Variants in PSPC1 observed in about 807,000 individuals in gnomAD.
PSPC1 encodes the protein paraspeckle component 1.
Under a neutral mutation model 51.6 loss-of-function variants are expected in PSPC1, and 14 were observed. The observed-to-expected ratio is 0.27, with a 90% CI of 0.18 to 0.42. PSPC1 has a LOEUF of 0.42. Among genes scored for constraint, PSPC1 ranks in the 10% least tolerant of loss-of-function variants. The probability of loss-of-function intolerance (pLI) is 1.00; values close to 1 mark genes in which losing one functional copy is unlikely to be tolerated. For missense variants in PSPC1, 406 were observed against 701.1 expected (o/e 0.58, Z 4.75); for synonymous variants, 193 against 231.9 (o/e 0.83, Z 1.53).
chr13:19,724,518 C>T (rs1198487279), intron 6 of PSPC1, among the ~76,000 whole-genome samples: 1 of 152,146 alleles, frequency 6.6e-6, no homozygotes, highest in Admixed American at 6.5e-5. Flanking sequence ...AAGAGGGGTT[C>T]ACATTTGAAA....
chr13:19,731,000 C>G (rs1212744044), intron 5 of PSPC1, among the ~76,000 whole-genome samples: 3 of 144,734 alleles, frequency 2.1e-5, no homozygotes, highest in Non-Finnish European at 3.0e-5. Flanking sequence ...CTGAGATCTA[C>G]TGATCTATCA....
chr13:19,716,009 G>A (rs1309170723), intron 6 of PSPC1, among the ~76,000 whole-genome samples: 1 of 151,202 alleles, frequency 6.6e-6, no homozygotes, highest in East Asian at 1.9e-4. Flanking sequence ...GCAAGACTCC[G>A]TCTCAAAAAA....
chr13:19,673,238 T>C, downstream of PSPC1: 1 of 417,924 alleles, frequency 2.4e-6, no homozygotes, highest in Non-Finnish European at 4.6e-6. Context: ...TGCTTCTGTA[T>C]GGCAAGCATA....
At chr13:19,779,797 G>A (rs1349271488) in intron 1 of PSPC1, among the ~76,000 whole-genome samples, 2 of 75,134 alleles carry the variant, frequency 2.7e-5, no homozygotes, top group African/African-American at 1.1e-4. Context: ...CCTCTGCCCG[G>A]CCGCCCCTAC....
rs749658549 is a variant in PSPC1, at chr13:19,751,248, T to G, written c.967+23A>C. 3 of 1,500,926 alleles carry G rather than the reference T, an allele frequency of 2.0e-6. No individual in the cohort carries two copies. The African/African-American group carries it at 4.2e-5, about 21-fold the overall frequency. 93.0% of individuals were successfully genotyped at this position (1,500,926 alleles called of 1,614,324 possible). A position where few individuals can be genotyped will look rare whatever the true frequency, so the allele number is the denominator to read the frequency against. ...AAGGGAAAAAAAAAATCATACCACA[T>G]GTACATGAAAATCCATATTTACCTT... is the stretch of plus-strand genomic sequence containing the variant. On this transcript the variant is annotated intron_variant, in intron 4 of 8. Coordinates refer to ENST00000338910, the MANE Select transcript of PSPC1 (RefSeq NM_001354909.2).
intron 3 of PSPC1, among the ~76,000 whole-genome samples, chr13:19,755,894 G>A (rs1887017722): frequency 6.6e-6 from 1 of 152,208 alleles, no homozygotes; most frequent in East Asian, 1.9e-4. Flanking sequence ...TACACTGCTA[G>A]CACCTAGAAC....
At chr13:19,726,052 G>C (rs1442374308) in intron 6 of PSPC1, among the ~76,000 whole-genome samples, 2 of 152,158 alleles carry the variant, frequency 1.3e-5, no homozygotes, top group African/African-American at 4.8e-5. Context: ...CTACTTGGGA[G>C]GCTGAGGCAG....
At chr13:19,774,114 C>T (rs1888870958) in intron 1 of PSPC1, among the ~76,000 whole-genome samples, 1 of 152,116 alleles carries the variant, frequency 6.6e-6, no homozygotes, top group Non-Finnish European at 1.5e-5. Flanking sequence ...AAAATATGCT[C>T]ATTGCTGAAA....
chr13:19,687,349 C>T (rs1225402734), intron 6 of PSPC1, among the ~76,000 whole-genome samples: 1 of 152,192 alleles, frequency 6.6e-6, no homozygotes, highest in Non-Finnish European at 1.5e-5. Context: ...GACTCAAACT[C>T]ACCAAGCCCT....
downstream of PSPC1, among the ~76,000 whole-genome samples, chr13:19,701,138 G>A (rs532401397): frequency 1.2e-3 from 185 of 151,494 alleles, no homozygotes; most frequent in African/African-American, 4.4e-3. Context: ...ATGTTCAGGA[G>A]ATTAAGACAT....
chr13:19,741,510 G>C (rs964070589), intron 5 of PSPC1, 55 bp downstream of exon 5: 90 of 1,251,100 alleles, frequency 7.2e-5, no homozygotes, highest in Non-Finnish European at 9.7e-5. Flanking sequence ...AGGTTGTGGG[G>C]AGTTTTTATT....
At chr13:19,769,543 A>T (rs1261198959) in intron 2 of PSPC1, among the ~76,000 whole-genome samples, 3 of 151,058 alleles carry the variant, frequency 2.0e-5, no homozygotes, top group Non-Finnish European at 4.4e-5. Flanking sequence ...ACAGAGCGAG[A>T]CTCCGTCTCA....
At chr13:19,695,277 G>C (rs1049158813) in intron 6 of PSPC1, among the ~76,000 whole-genome samples, 14 of 152,144 alleles carry the variant, frequency 9.2e-5, no homozygotes, top group Non-Finnish European at 1.5e-4. Flanking sequence ...CTAGACTTTA[G>C]TTGACTTTAA....
chr13:19,732,785 G>A (rs1884278275), intron 5 of PSPC1, among the ~76,000 whole-genome samples: 1 of 152,046 alleles, frequency 6.6e-6, no homozygotes, highest in South Asian at 2.1e-4. Context: ...AAATTTGCTG[G>A]ACGCGGTGGC....
intron 5 of PSPC1, among the ~76,000 whole-genome samples, chr13:19,733,777 AG>A (rs1884424196): frequency 2.0e-4 from 2 of 10,126 alleles, no homozygotes; most frequent in Non-Finnish European, 1.1e-3. Context: ...ACAAGAAAAA[AG>A]AAAAAAAAAT....
intron 3 of PSPC1, among the ~76,000 whole-genome samples, chr13:19,753,818 A>T (rs1886804880): frequency 6.6e-6 from 1 of 151,880 alleles, no homozygotes; most frequent in South Asian, 2.1e-4. Context: ...GATCCTAGGG[A>T]CTCTATATCT....
intron 6 of PSPC1, 75 bp downstream of exon 6, chr13:19,730,164 A>T: frequency 1.5e-6 from 2 of 1,299,190 alleles, no homozygotes; most frequent in Non-Finnish European, 2.2e-6. Flanking sequence ...TATAAACCAA[A>T]ATCTAAAGCA....
chr13:19,761,636 G>A (rs934081852), intron 2 of PSPC1, among the ~76,000 whole-genome samples: 3 of 152,146 alleles, frequency 2.0e-5, no homozygotes, highest in African/African-American at 7.2e-5. Flanking sequence ...AAGCAGGTAT[G>A]GAATATCATG....
At chr13:19,709,019 C>G (rs1293631866) in intron 7 of PSPC1, among the ~76,000 whole-genome samples, 1 of 151,748 alleles carries the variant, frequency 6.6e-6, no homozygotes, top group Non-Finnish European at 1.5e-5. Context: ...AAAAAATAAG[C>G]CAGGCGTGGT....
Sources: allele counts gnomAD v4.1 joint callset (sites outside exome capture counted in the v4.1 genomes callset), GRCh38; gene constraint gnomAD v4.1.1; transcripts MANE v1.5; gene names NCBI Gene and HGNC (gene_info 2026-07-23, HGNC 2026-07-21).